The following DLGAP2 variants were observed in gnomAD, a reference collection of about 807,000 sequenced individuals.
DLGAP2 encodes DLG associated protein 2.
Under a neutral mutation model 100.3 loss-of-function variants are expected in DLGAP2, and 26 were observed. That is an observed-to-expected ratio of 0.26 (90% CI 0.19 to 0.36). The LOEUF (loss-of-function observed/expected upper bound fraction) is 0.36, where lower values mean the gene tolerates loss of function less well. Among genes scored for constraint, DLGAP2 ranks in the 10% least tolerant of loss-of-function variants. DLGAP2 has a pLI of 1.00. For missense variants in DLGAP2, 1,858 were observed against 1,453.2 expected (o/e 1.28, Z -4.53); for synonymous variants, 886 against 630.1 (o/e 1.41, Z -6.08).
chr8:1,671,173 C>G (rs574969300), intron 10 of DLGAP2, among the ~76,000 whole-genome samples: 3 of 152,208 alleles, frequency 2.0e-5, no homozygotes, highest in Non-Finnish European at 4.4e-5. Flanking sequence ...AGCCTGCACT[C>G]CACTCCACCC....
chr8:842,451 A>G (rs2132718296), intron 1 of DLGAP2, among the ~76,000 whole-genome samples: 1 of 152,164 alleles, frequency 6.6e-6, no homozygotes, highest in Middle Eastern at 3.4e-3. Flanking sequence ...CTTAAAAGTA[A>G]CTCATCTTTC....
chr8:1,392,258 T>A (rs1168122974), intron 3 of DLGAP2, among the ~76,000 whole-genome samples: 1 of 152,158 alleles, frequency 6.6e-6, no homozygotes, highest in Admixed American at 6.5e-5. Flanking sequence ...CATTCCTCCA[T>A]GAGTCCAGAT....
intron 3 of DLGAP2, among the ~76,000 whole-genome samples, chr8:1,435,916 G>A (rs1251433126): frequency 1.3e-5 from 2 of 151,916 alleles, no homozygotes; most frequent in South Asian, 2.1e-4. Flanking sequence ...ATAGTAAAAG[G>A]GTTATAGAAT....
chr8:1,354,406 G>A lies in DLGAP2; in HGVS notation c.106+95523G>A, dbSNP rs1261814446. 2.6e-5 allele frequency among the ~76,000 whole-genome samples: 4 copies of A among 152,146 alleles called. No homozygotes were observed. The South Asian group carries it at 8.3e-4, about 32-fold the overall frequency. On this transcript the variant is annotated intron_variant, in intron 3 of 14. Transcript: ENST00000637795. ...TGCGTGCTTGTAGTCCCAGCTACTC[G>A]GGAGACTGAGGCACCAGAATCACTT...
Position 1,616,381 on chromosome 8 carries a change from A to C in DLGAP2, c.1443-10359A>C, listed in dbSNP as rs545508958. On this transcript the variant is annotated intron_variant, in intron 6 of 14. Transcript: ENST00000637795. ...TTACAAATTTGGTTTGAAAGAATCC[A>C]CAGACCCAAAATGCTCAGTGAACTC... Among the ~76,000 whole-genome samples the C allele has an allele frequency of 2.2e-4, 34 of 152,308 alleles. 2 individuals are homozygous for C. In the South Asian group the frequency reaches 6.6e-3, roughly 30 times the overall value.
At chr8:1,485,845 C>T (rs1236623648) in intron 3 of DLGAP2, among the ~76,000 whole-genome samples, 1 of 151,986 alleles carries the variant, frequency 6.6e-6, no homozygotes, top group Non-Finnish European at 1.5e-5. Context: ...GCCAACATGG[C>T]GAAACCCCAT....
Position 1,681,633 on chromosome 8 carries a change from G to T in DLGAP2, c.2704+3004G>T, listed in dbSNP as rs569979061. On this transcript the variant is annotated intron_variant, in intron 12 of 14. Coordinates refer to ENST00000637795, the MANE Select transcript of DLGAP2 (RefSeq NM_001346810.2). ...AGATCTCACCATCACTGCAGAACAA[G>T]ACCCTGTCTCAAAAAAGAAAGAAAG... Among the ~76,000 whole-genome samples, 92 of 152,230 alleles carry T rather than the reference G, an allele frequency of 6.0e-4. 1 individual carries two copies. Among genetic ancestry groups the T allele is most frequent in the African/African-American group, 2.0e-3 (84 of 41,532 alleles).
intron 2 of DLGAP2, among the ~76,000 whole-genome samples, chr8:1,176,762 T>A (rs1797268043): frequency 6.6e-6 from 1 of 151,976 alleles, no homozygotes; most frequent in Non-Finnish European, 1.5e-5. Context: ...GAAGAGATGG[T>A]CACTGGGTCC....
chr8:1,216,555 G>A (rs1798217972), intron 2 of DLGAP2, among the ~76,000 whole-genome samples: 6 of 151,588 alleles, frequency 4.0e-5, no homozygotes. Context: ...GGCTGGACTT[G>A]AACCTCCTGA....
intron 5 of DLGAP2, among the ~76,000 whole-genome samples, chr8:1,560,402 T>C (rs542198540): frequency 9.4e-4 from 143 of 152,352 alleles, no homozygotes; most frequent in Admixed American, 3.4e-3. Context: ...CATTCTGGAA[T>C]AGTATTTTTG....
At chr8:1,207,561 C>T (rs1798022362) in intron 2 of DLGAP2, among the ~76,000 whole-genome samples, 1 of 152,088 alleles carries the variant, frequency 6.6e-6, no homozygotes, top group Non-Finnish European at 1.5e-5. Context: ...TATAATGAGC[C>T]TTTTCTTCTG....
intron 2 of DLGAP2, among the ~76,000 whole-genome samples, chr8:959,050 A>G (rs990972499): frequency 6.6e-6 from 1 of 152,246 alleles, no homozygotes; most frequent in Non-Finnish European, 1.5e-5. Flanking sequence ...CTATGATAAT[A>G]TCCACATAAT....
intron 1 of DLGAP2, among the ~76,000 whole-genome samples, chr8:866,558 G>A (rs1797501895): frequency 6.6e-6 from 1 of 152,042 alleles, no homozygotes; most frequent in African/African-American, 2.4e-5. Flanking sequence ...TGAAAAGAAG[G>A]GTCTGAAGGA....
chr8:1,136,635 C>T (rs2129049920), intron 2 of DLGAP2, among the ~76,000 whole-genome samples: 1 of 152,342 alleles, frequency 6.6e-6, no homozygotes. Context: ...CATGACTATG[C>T]TCAGTAAAAA....
At chr8:769,359 G>C (rs1821298124) in intron 1 of DLGAP2, among the ~76,000 whole-genome samples, 1 of 151,988 alleles carries the variant, frequency 6.6e-6, no homozygotes, top group Non-Finnish European at 1.5e-5. Context: ...GTGATTGTCA[G>C]TGTGGTCAGT....
chr8:1,504,875 C>T (rs886386749), intron 4 of DLGAP2, among the ~76,000 whole-genome samples: 2 of 152,154 alleles, frequency 1.3e-5, no homozygotes, highest in Admixed American at 1.3e-4. Context: ...ATTTTATTCC[C>T]TTCAGAAAAA....
chr8:1,653,777 A>G (rs1798221225), intron 8 of DLGAP2, among the ~76,000 whole-genome samples: 1 of 152,092 alleles, frequency 6.6e-6, no homozygotes, highest in Non-Finnish European at 1.5e-5. Flanking sequence ...GATTGAGATT[A>G]TGACATCCAT....
At chr8:1,484,553 G>A (rs1799189676) in intron 3 of DLGAP2, among the ~76,000 whole-genome samples, 1 of 152,220 alleles carries the variant, frequency 6.6e-6, no homozygotes. Context: ...TGAGAGCCCA[G>A]AACAGCCATC....
At chr8:1,254,559 G>A (rs527391188) in intron 2 of DLGAP2, among the ~76,000 whole-genome samples, 1 of 152,200 alleles carries the variant, frequency 6.6e-6, no homozygotes, top group East Asian at 1.9e-4. Flanking sequence ...CTTTTTGTTT[G>A]GGGAAAATCA....
Sources: allele counts gnomAD v4.1 joint callset (sites outside exome capture counted in the v4.1 genomes callset), GRCh38; gene constraint gnomAD v4.1.1; transcripts MANE v1.5; gene names NCBI Gene and HGNC (gene_info 2026-07-23, HGNC 2026-07-21).